Variants in DIP2C observed in about 807,000 individuals in gnomAD.
DIP2C encodes disco-interacting protein 2 homolog C.
DIP2C carries 33 observed loss-of-function variants against 192.4 expected under a neutral mutation model. The observed-to-expected ratio is 0.17, with a 90% CI of 0.13 to 0.23. The LOEUF (loss-of-function observed/expected upper bound fraction) is 0.23, where lower values mean the gene tolerates loss of function less well. Ranked by LOEUF, DIP2C falls within the 10% of genes least tolerant of loss-of-function variation. The pLI is 1.00. For synonymous variants in DIP2C, 979 were observed against 864.1 expected (o/e 1.13, Z -2.33); for missense variants, 1,537 against 2,110.1 (o/e 0.73, Z 5.32).
At chr10:352,670 G>T (rs960392832) in intron 24 of DIP2C, among the ~76,000 whole-genome samples, 1 of 152,192 alleles carries the variant, frequency 6.6e-6, no homozygotes, top group African/African-American at 2.4e-5. Flanking sequence ...CGAGGTGAGT[G>T]AACACTGGAC....
chr10:332,237 G>A (rs1957538934), intron 29 of DIP2C, among the ~76,000 whole-genome samples: 1 of 152,156 alleles, frequency 6.6e-6, no homozygotes, highest in African/African-American at 2.4e-5. Flanking sequence ...ATTTCTAAGT[G>A]TCCCTGGAAG....
At chr10:681,579 C>T (rs1353405577) in intron 1 of DIP2C, among the ~76,000 whole-genome samples, 2 of 151,922 alleles carry the variant, frequency 1.3e-5, no homozygotes, top group Non-Finnish European at 1.5e-5. Flanking sequence ...ACGGAAATTC[C>T]AGGGAACACA....
intron 32 of DIP2C, among the ~76,000 whole-genome samples, chr10:301,919 G>A (rs1956070517): frequency 6.6e-6 from 1 of 152,150 alleles, no homozygotes; most frequent in African/African-American, 2.4e-5. Flanking sequence ...GACATGGTGT[G>A]AAAGTGAATT....
chr10:354,063 T>G (rs1958955102), intron 24 of DIP2C, among the ~76,000 whole-genome samples: 1 of 152,278 alleles, frequency 6.6e-6, no homozygotes, highest in East Asian at 1.9e-4. Context: ...CCATGCCTGA[T>G]CTGATGCTTG....
chr10:595,328 A>C (rs539666866), intron 1 of DIP2C, among the ~76,000 whole-genome samples: 95 of 152,318 alleles, frequency 6.2e-4, no homozygotes, highest in African/African-American at 2.2e-3. Context: ...TTTAATATAC[A>C]AACTTGCCAT....
intron 1 of DIP2C, among the ~76,000 whole-genome samples, chr10:526,715 T>A (rs77791261): frequency 1.9e-3 from 284 of 152,350 alleles, no homozygotes; most frequent in African/African-American, 6.0e-3. Flanking sequence ...ACTGCGCCTA[T>A]GTGGAAACTT....
rs879321009 is a variant in DIP2C, at chr10:414,745, A to G, written c.860-635T>C. On this transcript the variant is annotated intron_variant, in intron 7 of 36. Transcript: ENST00000280886. ...TGTGTGTGTGTGTGTGTGTGTACAT[A>G]TATATATATATAATGTGTATATATA... Among the ~76,000 whole-genome samples the G allele has an allele frequency of 4.0e-3, 359 of 90,772 alleles. 15 individuals are homozygous for G. The highest frequency in any genetic ancestry group is 8.9e-3 in the African/African-American group (196 of 21,940). The allele number at this position is 90,772 out of a possible 152,430, so 59.5% of individuals were successfully genotyped here.
chr10:417,652 C>T (rs1450749064), intron 6 of DIP2C, among the ~76,000 whole-genome samples: 18 of 13,154 alleles, frequency 1.4e-3, no homozygotes, highest in African/African-American at 3.0e-3. Context: ...GCCTCCCTGT[C>T]CACCTGTTCC....
At chr10:449,985 G>A (rs1307748717) in intron 3 of DIP2C, among the ~76,000 whole-genome samples, 1 of 151,844 alleles carries the variant, frequency 6.6e-6, no homozygotes, top group Non-Finnish European at 1.5e-5. Context: ...CTCCAGGAAG[G>A]AGTGAAATGG....
intron 3 of DIP2C, among the ~76,000 whole-genome samples, chr10:442,748 T>C (rs1163840090): frequency 6.6e-6 from 1 of 152,212 alleles, no homozygotes; most frequent in Non-Finnish European, 1.5e-5. Flanking sequence ...AACACAAGAA[T>C]ATTCTCTCAC....
intron 4 of DIP2C, among the ~76,000 whole-genome samples, chr10:425,634 T>TAC (rs1966546189): frequency 6.6e-6 from 1 of 151,836 alleles, no homozygotes; most frequent in South Asian, 2.1e-4. Context: ...ACATGGATGA[T>TAC]ACAGCATGAC....
chr10:369,316 G>A lies in DIP2C; in HGVS notation c.2131+178C>T, dbSNP rs144183777. On this transcript the variant is annotated intron_variant, in intron 18 of 36. Coordinates refer to ENST00000280886, the MANE Select transcript of DIP2C (RefSeq NM_014974.3). ...ATCTTCTTGATCGTCTACCAGGAGA[G>A]GGAACACTGCCTCAAATGTCTGAAG... is the stretch of plus-strand genomic sequence containing the variant. Among the ~76,000 whole-genome samples the A allele has an allele frequency of 2.5e-4, 38 of 152,338 alleles. 1 individual carries two copies. In the East Asian group the frequency reaches 7.3e-3, roughly 29 times the overall value.
In DIP2C at chr10:329,416, CCAAGG is replaced by C; in HGVS notation, c.3753+12_3753+16del. 1 of 1,607,250 alleles carries C rather than the reference CCAAGG, an allele frequency of 6.2e-7. No homozygotes were observed. Among genetic ancestry groups the C allele is most frequent in the Non-Finnish European group, 8.5e-7 (1 of 1,176,488 alleles). ...TGTGGGCTCACAGGGCACTGAGCTG[CCAAGG>C]GAGCTGCTTACCTTGAGGGACTCTG... On this transcript the variant is annotated intron_variant, in intron 30 of 36. Transcript: ENST00000280886.
intron 4 of DIP2C, among the ~76,000 whole-genome samples, chr10:432,820 T>G (rs1474530268): frequency 6.6e-6 from 1 of 152,232 alleles, no homozygotes; most frequent in Non-Finnish European, 1.5e-5. Context: ...TCATTGCATC[T>G]CACAAATTTT....
chr10:657,032 G>T (rs1373325836), intron 1 of DIP2C, among the ~76,000 whole-genome samples: 2 of 151,968 alleles, frequency 1.3e-5, no homozygotes, highest in African/African-American at 4.8e-5. Context: ...CATGTGGAAA[G>T]TTGGCTGGAC....
At chr10:571,217 C>G (rs890004760) in intron 1 of DIP2C, among the ~76,000 whole-genome samples, 2 of 152,248 alleles carry the variant, frequency 1.3e-5, no homozygotes, top group African/African-American at 4.8e-5. Flanking sequence ...ACTTCTCTCT[C>G]CAACCTGACA....
intron 1 of DIP2C, among the ~76,000 whole-genome samples, chr10:535,728 C>T (rs769882235): frequency 6.6e-6 from 1 of 152,144 alleles, no homozygotes; most frequent in Non-Finnish European, 1.5e-5. Context: ...GGCAGTCATA[C>T]ACCTGCACTC....
At position 274,723 on chromosome 10, in the gene DIP2C, T is replaced by C. The variant is rs927767276; in HGVS notation, c.*2602A>G. On this transcript the variant is annotated 3_prime_UTR_variant, in exon 37 of 37. Transcript: ENST00000280886. ...AGTGTCAAGCAGGATTAAATATATA[T>C]AATAAACAAGCACCATGAGGAATCT... 2.0e-5 allele frequency: 3 copies of C among 152,186 alleles called. No homozygotes were observed. Among genetic ancestry groups the C allele is most frequent in the Admixed American group, 6.5e-5 (1 of 15,284 alleles). 9.4% of individuals were successfully genotyped at this position (152,186 alleles called of 1,614,324 possible).
At chr10:611,183 C>G (rs1853076436) in intron 1 of DIP2C, among the ~76,000 whole-genome samples, 1 of 126,840 alleles carries the variant, frequency 7.9e-6, no homozygotes, top group South Asian at 3.3e-4. Context: ...TTTGAAAGTG[C>G]ATGGCACCTT....
Sources: allele counts gnomAD v4.1 joint callset (sites outside exome capture counted in the v4.1 genomes callset), GRCh38; gene constraint gnomAD v4.1.1; transcripts MANE v1.5; gene names NCBI Gene and HGNC (gene_info 2026-07-23, HGNC 2026-07-21).